The following ANO2 variants were observed in gnomAD, a reference collection of about 807,000 sequenced individuals.
ANO2 encodes anoctamin 2, also known as anoctamin-2.
ANO2 carries 101 observed loss-of-function variants against 124.2 expected under a neutral mutation model. That is an observed-to-expected ratio of 0.81 (90% CI 0.69 to 0.96). ANO2 has a LOEUF of 0.96. ANO2 is among the 40% of genes least tolerant of loss of function. The pLI is 0.00. For missense variants in ANO2, 1,293 were observed against 1,274.5 expected (o/e 1.01, Z -0.22); for synonymous variants, 486 against 482.5 (o/e 1.01, Z -0.09).
At chr12:5,825,706 C>T (rs545312526) in intron 7 of ANO2, among the ~76,000 whole-genome samples, 2 of 152,274 alleles carry the variant, frequency 1.3e-5, no homozygotes, top group South Asian at 4.2e-4. Flanking sequence ...TCTACTACTC[C>T]ACAACAGAGG....
chr12:5,697,775 A>G (rs1949245429), intron 14 of ANO2, among the ~76,000 whole-genome samples: 1 of 152,226 alleles, frequency 6.6e-6, no homozygotes, highest in South Asian at 2.1e-4. Context: ...GCTTTATCCA[A>G]CGGTCCTAGC....
intron 3 of ANO2, among the ~76,000 whole-genome samples, chr12:5,917,682 C>T (rs1304279421): frequency 6.6e-6 from 1 of 151,594 alleles, no homozygotes; most frequent in Non-Finnish European, 1.5e-5. Flanking sequence ...ATCCTCCTGC[C>T]TCAGCCTCCA....
chr12:5,773,175 C>A (rs1356303750), intron 10 of ANO2, among the ~76,000 whole-genome samples: 1 of 152,262 alleles, frequency 6.6e-6, no homozygotes, highest in Admixed American at 6.5e-5. Context: ...GTTCTGTAGT[C>A]ACTCCTTCTC....
chr12:5,727,955 C>T (rs988457612), intron 14 of ANO2, among the ~76,000 whole-genome samples: 3 of 151,770 alleles, frequency 2.0e-5, no homozygotes, highest in Admixed American at 6.6e-5. Context: ...TACAGGCGCC[C>T]GCCACCACGC....
chr12:5,926,284 C>A (rs1942074489), intron 1 of ANO2, among the ~76,000 whole-genome samples: 1 of 152,202 alleles, frequency 6.6e-6, no homozygotes. Flanking sequence ...AGCTGTCAGC[C>A]TCCTTCCCCT....
chr12:5,581,202 T>C (rs1351177030), intron 20 of ANO2, among the ~76,000 whole-genome samples: 1 of 152,162 alleles, frequency 6.6e-6, no homozygotes, highest in Non-Finnish European at 1.5e-5. Context: ...TATGGATGGA[T>C]GTATATTTAT....
chr12:5,894,113 A>G (rs540702422), intron 3 of ANO2, among the ~76,000 whole-genome samples: 8 of 152,144 alleles, frequency 5.3e-5, no homozygotes, highest in Non-Finnish European at 7.3e-5. Context: ...CAACAGTGTA[A>G]AAGTGTTCCT....
chr12:5,915,250 G>C (rs1271172394), intron 3 of ANO2, among the ~76,000 whole-genome samples: 1 of 152,120 alleles, frequency 6.6e-6, no homozygotes, highest in East Asian at 1.9e-4. Context: ...GTTCATACTT[G>C]AAAGAAAATT....
At chr12:5,905,138 C>G (rs1940584453) in intron 3 of ANO2, among the ~76,000 whole-genome samples, 1 of 152,130 alleles carries the variant, frequency 6.6e-6, no homozygotes, top group African/African-American at 2.4e-5. Flanking sequence ...CAAGGGTTCC[C>G]AGGGGGGTGA....
At chr12:5,695,719 T>C (rs1949142134) in intron 14 of ANO2, among the ~76,000 whole-genome samples, 1 of 152,106 alleles carries the variant, frequency 6.6e-6, no homozygotes, top group East Asian at 1.9e-4. Context: ...CGCGTGCCTG[T>C]AACCCCAGCT....
chr12:5,724,757 T>A (rs972299589), intron 14 of ANO2, among the ~76,000 whole-genome samples: 1 of 152,058 alleles, frequency 6.6e-6, no homozygotes, highest in Non-Finnish European at 1.5e-5. Context: ...GTGCTCAACA[T>A]AAAACATTCA....
At chr12:5,844,354 G>A (rs540789958) in intron 4 of ANO2, among the ~76,000 whole-genome samples, 1 of 152,318 alleles carries the variant, frequency 6.6e-6, no homozygotes, top group South Asian at 2.1e-4. Context: ...GGCAGTTTCA[G>A]AATAGGCACC....
At chr12:5,585,460 G>A (rs1008529545) in intron 20 of ANO2, among the ~76,000 whole-genome samples, 3 of 152,120 alleles carry the variant, frequency 2.0e-5, no homozygotes, top group African/African-American at 7.2e-5. Context: ...ATTTGGCTCC[G>A]AGTTTTCTTC....
chr12:5,761,626 A>C (rs189375673), intron 10 of ANO2, among the ~76,000 whole-genome samples: 1 of 152,322 alleles, frequency 6.6e-6, no homozygotes, highest in East Asian at 1.9e-4. Flanking sequence ...ATCCATGTGT[A>C]CATCTATGTT....
chr12:5,606,945 A>C (rs1944249732), intron 19 of ANO2, among the ~76,000 whole-genome samples: 1 of 152,240 alleles, frequency 6.6e-6, no homozygotes, highest in Non-Finnish European at 1.5e-5. Context: ...TGCTTTTAGA[A>C]GTAAAGAATC....
chr12:5,563,137 T>C lies in ANO2; in HGVS notation c.*162A>G, dbSNP rs1941528709. 1.0e-6 allele frequency: 1 copy of C among 964,420 alleles called. No individual in the cohort carries two copies. Among genetic ancestry groups the C allele is most frequent in the Non-Finnish European group, 1.5e-6 (1 of 671,076 alleles). The allele number at this position is 964,420 out of a possible 1,614,324, so 59.7% of individuals were successfully genotyped here. Reference sequence around the variant, plus strand: ...GCATCATTTCTCTTCCTTCCTACACTCATTCTGTCAGGCTCTTTCTTTTTA... The same window carrying C: ...GCATCATTTCTCTTCCTTCCTACACCCATTCTGTCAGGCTCTTTCTTTTTA... On this transcript the variant is annotated 3_prime_UTR_variant, in exon 25 of 25. Coordinates refer to ENST00000682330, the MANE Select transcript of ANO2 (RefSeq NM_001364791.2).
At chr12:5,876,717 C>A (rs914043429) in intron 3 of ANO2, among the ~76,000 whole-genome samples, 1 of 152,124 alleles carries the variant, frequency 6.6e-6, no homozygotes, top group South Asian at 2.1e-4. Context: ...TCTTAGCCAA[C>A]TAACACAGGA....
intron 3 of ANO2, among the ~76,000 whole-genome samples, chr12:5,902,319 T>G (rs1415909011): frequency 6.6e-6 from 1 of 152,034 alleles, no homozygotes; most frequent in Non-Finnish European, 1.5e-5. Flanking sequence ...ACAAGATGGT[T>G]CATGCCTTTA....
intron 14 of ANO2, among the ~76,000 whole-genome samples, chr12:5,653,626 G>A (rs1947020276): frequency 6.6e-6 from 1 of 152,168 alleles, no homozygotes. Context: ...AGCATACATT[G>A]AACATCAAAT....
Sources: gnomAD v4.1 joint callset for allele counts (sites outside exome capture counted in the v4.1 genomes callset) on GRCh38, gnomAD v4.1.1 for gene constraint, MANE v1.5 for transcripts, NCBI Gene and HGNC (gene_info 2026-07-23, HGNC 2026-07-21) for gene names.